ATG2B: variants seen among roughly 807,000 people sequenced by gnomAD.
The protein encoded by ATG2B is autophagy related 2B, also known as autophagy-related protein 2 homolog B.
ATG2B carries 121 observed loss-of-function variants against 241.3 expected under a neutral mutation model. That is an observed-to-expected ratio of 0.50 (90% CI 0.43 to 0.58). The LOEUF (loss-of-function observed/expected upper bound fraction) is 0.58, where lower values mean the gene tolerates loss of function less well. Among genes scored for constraint, ATG2B ranks in the 20% least tolerant of loss-of-function variants. The pLI, the probability that ATG2B is intolerant of heterozygous loss-of-function variation, is 0.00. For synonymous variants in ATG2B, 858 were observed against 876.6 expected (o/e 0.98, Z 0.37); for missense variants, 2,306 against 2,491.6 (o/e 0.93, Z 1.59).
chr14:96,332,710 TTAAG>T (rs1887774001), intron 8 of ATG2B, 55 bp from the exon 9 acceptor site: 8 of 1,401,244 alleles, frequency 5.7e-6, no homozygotes, highest in African/African-American at 1.4e-5. Context: ...TTCAAGTCTT[TTAAG>T]TAAGTTAATA....
rs1422639319 is a variant in ATG2B at position 96,333,759 on chromosome 14, G to T, written c.1136C>A (p.Ser379Tyr). Residue 379 changes from serine to tyrosine, a missense_variant, in exon 8 of 42, where the codon TCC (serine) becomes TAC (tyrosine). Physicochemically the swap from Ser to Tyr is moderately radical, Grantham distance 144. Around this residue, in one of 2 missense-constraint regions of ATG2B, gnomAD observed 1,927 missense variants for 2,011.2 expected, o/e 0.96. Transcript: ENST00000359933. ...ELNRYYLRKD[S>Y]LSVGVSSEQS... ...CTCTGAAGATACACCCACAGAGAGG[G>T]AATCTTTTCTCAAATAATACCGGTT... 1.2e-6 allele frequency: 2 copies of T among 1,613,722 alleles called. No homozygotes were observed. The highest frequency in any genetic ancestry group is 3.3e-5 in the Admixed American group (2 of 59,964).
At chr14:96,352,980 C>G (rs935328296) in intron 1 of ATG2B, among the ~76,000 whole-genome samples, 1 of 152,194 alleles carries the variant, frequency 6.6e-6, no homozygotes, top group Non-Finnish European at 1.5e-5. Context: ...GTGCCCCATA[C>G]AGCCATATCA....
Position 96,290,617 on chromosome 14 carries a change from T to G in ATG2B, c.5702-27A>C. The G allele has an allele frequency of 6.2e-7, 1 of 1,612,346 alleles. No homozygotes were observed. The highest frequency in any genetic ancestry group is 8.5e-7 in the Non-Finnish European group (1 of 1,178,904). ...TACAACAGTCAACACAAAATCAACATCAGTGCCACAGTTCAGACTTTTCTA... is the reference window on the plus strand; with the variant it reads ...TACAACAGTCAACACAAAATCAACAGCAGTGCCACAGTTCAGACTTTTCTA... On this transcript the variant is annotated intron_variant, in intron 39 of 41. Coordinates refer to ENST00000359933, the MANE Select transcript of ATG2B (RefSeq NM_018036.7). This position sits in a 1 kb window ranked among gnomAD's most constrained non-coding sequence, Gnocchi z 4.4.
Position 96,362,804 on chromosome 14 carries a change from G to T in ATG2B, c.162+11C>A. 6.3e-7 allele frequency: 1 copy of T among 1,586,948 alleles called. No individual in the cohort carries two copies. Among genetic ancestry groups the T allele is most frequent in the South Asian group, 1.1e-5 (1 of 89,504 alleles). Reference sequence around the variant, plus strand: ...GCGAGCCCCGCCCGGCTCGCCGCCGGCAGCTCTTACCCATTTGTCCAAGGG... The same window carrying T: ...GCGAGCCCCGCCCGGCTCGCCGCCGTCAGCTCTTACCCATTTGTCCAAGGG... On this transcript the variant is annotated intron_variant, in intron 1 of 41. Transcript: ENST00000359933.
Position 96,315,412 on chromosome 14 carries a change from A to G in ATG2B, c.3533T>C (p.Leu1178Ser). The G allele has an allele frequency of 1.2e-6, 2 of 1,614,226 alleles. No individual in the cohort carries two copies. The highest frequency in any genetic ancestry group is 8.5e-7 in the Non-Finnish European group (1 of 1,180,030). The part of the protein sequence containing the change: ...LNMLSVAVKI[L>S]SDKSESNTKE... ...TGTATTGGACTCTGATTTATCAGACAATATTTTAACGGCAACAGACAGCAT... is the reference window on the plus strand; with the variant it reads ...TGTATTGGACTCTGATTTATCAGACGATATTTTAACGGCAACAGACAGCAT... Residue 1178 changes from leucine to serine, a missense_variant, in exon 22 of 42, where the codon TTG (leucine) becomes TCG (serine). Leu to Ser is a moderately radical substitution (Grantham distance 145). Coordinates refer to ENST00000359933, the MANE Select transcript of ATG2B (RefSeq NM_018036.7).
At chr14:96,339,597 T>C (rs115557528) in intron 6 of ATG2B, among the ~76,000 whole-genome samples, 45 of 152,098 alleles carry the variant, frequency 3.0e-4, no homozygotes, top group African/African-American at 1.1e-3. Flanking sequence ...CTGGAGGCCA[T>C]TATTCTAAGT....
intron 18 of ATG2B, among the ~76,000 whole-genome samples, chr14:96,318,836 A>G (rs1887384922): frequency 6.6e-6 from 1 of 152,182 alleles, no homozygotes; most frequent in African/African-American, 2.4e-5. Flanking sequence ...GACCCACAGC[A>G]TATGCTTCAC....
chr14:96,290,338 C>T lies in ATG2B; in HGVS notation c.5856+98G>A. The T allele has an allele frequency of 6.9e-7, 1 of 1,444,854 alleles. No individual in the cohort carries two copies. Among genetic ancestry groups the T allele is most frequent in the East Asian group, 2.3e-5 (1 of 43,556 alleles). 89.5% of individuals were successfully genotyped at this position (1,444,854 alleles called of 1,614,324 possible). On this transcript the variant is annotated intron_variant, in intron 40 of 41. Coordinates refer to ENST00000359933, the MANE Select transcript of ATG2B (RefSeq NM_018036.7). This position sits in a 1 kb window ranked among gnomAD's most constrained non-coding sequence, Gnocchi z 4.4. ...CTACGAATAAAGTATCTACTCACAA[C>T]ATTTTGTATATCTTCACAGTATCGT... is the stretch of plus-strand genomic sequence containing the variant.
rs377539223 is a variant in ATG2B at position 96,357,981 on chromosome 14, G to C, written c.162+4834C>G. Among the ~76,000 whole-genome samples the C allele has an allele frequency of 1.2e-4, 18 of 152,280 alleles. No homozygotes were observed. In the East Asian group the frequency reaches 2.1e-3, roughly 18 times the overall value. On this transcript the variant is annotated intron_variant, in intron 1 of 41. Transcript: ENST00000359933. Reference sequence around the variant, plus strand: ...TAAAACATATGGAGGCAATGACTTAGCTTCTGCAAACTGTCAACCTTAGAC... The same window carrying C: ...TAAAACATATGGAGGCAATGACTTACCTTCTGCAAACTGTCAACCTTAGAC...
At chr14:96,308,896 T>C (rs573434423) in intron 29 of ATG2B, among the ~76,000 whole-genome samples, 2 of 152,340 alleles carry the variant, frequency 1.3e-5, no homozygotes, top group African/African-American at 2.4e-5. Flanking sequence ...AACTTTATTA[T>C]CTAATTCTTT....
chr14:96,324,827 C>T (rs369141225), intron 15 of ATG2B, among the ~76,000 whole-genome samples: 6 of 151,910 alleles, frequency 3.9e-5, no homozygotes, highest in Admixed American at 3.3e-4. Context: ...TGACAACAAT[C>T]AATTTTAAAT....
chr14:96,363,212 G>A lies in ATG2B; in HGVS notation c.-236C>T, dbSNP rs1311896503. 3 of 517,052 alleles carry A rather than the reference G, an allele frequency of 5.8e-6. No homozygotes were observed. The highest frequency in any genetic ancestry group is 3.5e-5 in the East Asian group (1 of 28,530). The allele number at this position is 517,052 out of a possible 1,614,324, so 32.0% of individuals were successfully genotyped here. On this transcript the variant is annotated 5_prime_UTR_variant, in exon 1 of 42. Transcript: ENST00000359933. ...CCTGGCCCCAGGCCAGGGGACTTCCGAGGAGGGTCCCAACCGGCTCGGAGA... is the reference window on the plus strand; with the variant it reads ...CCTGGCCCCAGGCCAGGGGACTTCCAAGGAGGGTCCCAACCGGCTCGGAGA...
intron 1 of ATG2B, among the ~76,000 whole-genome samples, chr14:96,360,765 G>A (rs927428463): frequency 2.0e-5 from 3 of 151,892 alleles, no homozygotes; most frequent in Non-Finnish European, 4.4e-5. Context: ...GTGAATCTCC[G>A]AAGGTACCTT....
At chr14:96,362,113 C>A (rs561852773) in intron 1 of ATG2B, among the ~76,000 whole-genome samples, 84 of 152,228 alleles carry the variant, frequency 5.5e-4, no homozygotes, top group Middle Eastern at 6.8e-3. Context: ...AAGTAGAAGG[C>A]AGGTTTTAAA....
Position 96,314,682 on chromosome 14 carries a change from GTTT to G in ATG2B, c.3642+469_3642+471del, listed in dbSNP as rs1887256637. Among the ~76,000 whole-genome samples the G allele has an allele frequency of 1.5e-3, 3 of 2,008 alleles. No homozygotes were observed. In the Admixed American group the frequency reaches 0.017, roughly 11 times the overall value. 1.3% of individuals were successfully genotyped at this position (2,008 alleles called of 152,430 possible). A position where few individuals can be genotyped will look rare whatever the true frequency, so the allele number is the denominator to read the frequency against. The stretch of plus-strand genomic sequence containing the variant: ...TGAGGTGATAATACTGTTTTGTTTT[GTTT>G]TGTTTTGTTTTGTTTTGTTTTGTTT... On this transcript the variant is annotated intron_variant, in intron 23 of 41. Transcript: ENST00000359933.
chr14:96,321,679 G>A lies in ATG2B; in HGVS notation c.2879+433C>T, dbSNP rs145282656. 4.0e-3 allele frequency among the ~76,000 whole-genome samples: 602 copies of A among 152,184 alleles called. 7 individuals carry two copies. The highest frequency in any genetic ancestry group is 3.9e-3 in the Non-Finnish European group (265 of 68,010). ...TATAATAAATTTAAATTTTGTACAC[G>A]TTCACAGAATTTTGAATTCCAACAA... is the stretch of plus-strand genomic sequence containing the variant. On this transcript the variant is annotated intron_variant, in intron 18 of 41. Coordinates refer to ENST00000359933, the MANE Select transcript of ATG2B (RefSeq NM_018036.7).
Position 96,302,055 on chromosome 14 carries a change from C to T in ATG2B, c.5091G>A (p.Glu1697=). The T allele has an allele frequency of 6.2e-7, 1 of 1,614,082 alleles. No homozygotes were observed. Among genetic ancestry groups the T allele is most frequent in the African/African-American group, 1.3e-5 (1 of 75,014 alleles). ...GCATCAGCGACACTCTCAAGCAGCA[C>T]TCCTGTGGGGACCTGCCAGATTCTG... The part of the protein sequence containing the change: ...VCPESGRSPQ[E]CCLRVSLMPL... The change falls in exon 34 of 42, where the codon GAG becomes GAA. Residue 1697 remains glutamate, a synonymous_variant. Transcript: ENST00000359933.
At chr14:96,299,539 G>A (rs766030991) in intron 34 of ATG2B, among the ~76,000 whole-genome samples, 5 of 152,188 alleles carry the variant, frequency 3.3e-5, no homozygotes, top group African/African-American at 7.2e-5. Context: ...GAATTGATAC[G>A]CTTTCCCGGC....
intron 1 of ATG2B, among the ~76,000 whole-genome samples, chr14:96,349,462 T>C (rs997582297): frequency 6.6e-6 from 1 of 152,170 alleles, no homozygotes; most frequent in African/African-American, 2.4e-5. Context: ...TCAGTTGCCA[T>C]GTACAGCATG....
Sources: gnomAD v4.1 joint callset for allele counts (sites outside exome capture counted in the v4.1 genomes callset) on GRCh38, gnomAD v4.1.1 for gene constraint, gnomAD v4.1.1 regional missense constraint, Gnocchi (gnomAD v3.1) non-coding constraint, MANE v1.5 for transcripts, NCBI Gene and HGNC (gene_info 2026-07-23, HGNC 2026-07-21) for gene names.